Variants in LRP1B observed in about 807,000 individuals in gnomAD.
LRP1B encodes the protein LDL receptor related protein 1B, also known as low-density lipoprotein receptor-related protein 1B.
LRP1B carries 217 observed loss-of-function variants against 556.6 expected under a neutral mutation model. That is an observed-to-expected ratio of 0.39 (90% CI 0.35 to 0.44). The LOEUF (loss-of-function observed/expected upper bound fraction) is 0.44. Ranked by LOEUF, LRP1B falls within the 20% of genes least tolerant of loss-of-function variation. The pLI is 1.00. For missense variants in LRP1B, 5,053 were observed against 5,620.8 expected (o/e 0.90, Z 3.23); for synonymous variants, 2,047 against 1,865.8 (o/e 1.10, Z -2.50).
chr2:140,294,637 A>G (rs1683527779), intron 84 of LRP1B, among the ~76,000 whole-genome samples: 1 of 152,152 alleles, frequency 6.6e-6, no homozygotes, highest in South Asian at 2.1e-4. Flanking sequence ...GTTTTACTAG[A>G]ATAAAGGAGA....
chr2:140,418,066 C>T (rs1015198830), intron 66 of LRP1B, among the ~76,000 whole-genome samples: 16 of 152,156 alleles, frequency 1.1e-4, no homozygotes, highest in African/African-American at 3.4e-4. Flanking sequence ...GCAAAACTTG[C>T]CTAGTTGTGT....
intron 32 of LRP1B, among the ~76,000 whole-genome samples, chr2:140,796,334 TTTGAGA>T (rs1559124403): frequency 1.3e-5 from 2 of 152,224 alleles, no homozygotes; most frequent in East Asian, 3.9e-4. Flanking sequence ...TATGATATAC[TTTGAGA>T]TTGTTGTATT....
intron 2 of LRP1B, among the ~76,000 whole-genome samples, chr2:141,696,626 T>C (rs1379605490): frequency 6.6e-6 from 1 of 151,970 alleles, no homozygotes; most frequent in African/African-American, 2.4e-5. Flanking sequence ...AACATTCTAT[T>C]TTGAAATTTT....
At chr2:142,018,214 T>C (rs188447639) in intron 1 of LRP1B, among the ~76,000 whole-genome samples, 17 of 152,318 alleles carry the variant, frequency 1.1e-4, no homozygotes, top group African/African-American at 2.6e-4. Context: ...AATAACATTA[T>C]TGTCATCATT....
chr2:140,546,000 T>TTTTGTGTGTGTGTGTGTG (rs374489389), intron 43 of LRP1B, among the ~76,000 whole-genome samples: 1 of 142,602 alleles, frequency 7.0e-6, no homozygotes, highest in East Asian at 2.2e-4. Context: ...TATTATTAGG[T>TTTTGTGTGTGTGTGTGTG]TGTGTGTGTG....
intron 35 of LRP1B, among the ~76,000 whole-genome samples, chr2:140,748,131 ATAT>A (rs1559093665): frequency 0.029 from 1,815 of 62,788 alleles, 42 homozygotes; most frequent in South Asian, 0.048. Flanking sequence ...ATATATATAT[ATAT>A]ATAATTCATA....
At chr2:142,027,224 T>TA (rs1469260955) in intron 1 of LRP1B, among the ~76,000 whole-genome samples, 2 of 151,316 alleles carry the variant, frequency 1.3e-5, no homozygotes, top group South Asian at 2.1e-4. Flanking sequence ...ATCCCCAAAT[T>TA]AAAAAAACAA....
intron 1 of LRP1B, among the ~76,000 whole-genome samples, chr2:142,112,260 T>C (rs865816083): frequency 1.3e-5 from 2 of 151,944 alleles, no homozygotes; most frequent in African/African-American, 4.8e-5. Context: ...AATGAGAAAG[T>C]CAGAGCAAAT....
chr2:141,170,171 G>GCCA (rs1218527703), intron 7 of LRP1B, among the ~76,000 whole-genome samples: 42 of 152,106 alleles, frequency 2.8e-4, no homozygotes, highest in Admixed American at 2.8e-3. Flanking sequence ...GGGCAACCAA[G>GCCA]CCACCAGTCC....
At chr2:141,295,315 T>G (rs1327001790) in intron 3 of LRP1B, among the ~76,000 whole-genome samples, 1 of 152,204 alleles carries the variant, frequency 6.6e-6, no homozygotes, top group Non-Finnish European at 1.5e-5. Context: ...AGTTTTGGGT[T>G]TACAAAAGAG....
intron 2 of LRP1B, among the ~76,000 whole-genome samples, chr2:141,642,082 C>A (rs2105365896): frequency 6.6e-6 from 1 of 152,148 alleles, no homozygotes; most frequent in South Asian, 2.1e-4. Flanking sequence ...TGTTATATGA[C>A]CGTAGATTTA....
At chr2:141,521,537 TTAAA>T (rs1042023085) in intron 2 of LRP1B, among the ~76,000 whole-genome samples, 34 of 151,914 alleles carry the variant, frequency 2.2e-4, no homozygotes, top group Middle Eastern at 3.4e-3. Flanking sequence ...TTTCTAATGA[TTAAA>T]TAGAGTATTG....
At chr2:140,245,184 T>A (rs937805431) in intron 87 of LRP1B, among the ~76,000 whole-genome samples, 6 of 151,500 alleles carry the variant, frequency 4.0e-5, no homozygotes, top group African/African-American at 9.6e-5. Context: ...AGCTTCAGAA[T>A]CATTGGAAAG....
At chr2:140,503,473 G>C (rs1198428862) in intron 53 of LRP1B, among the ~76,000 whole-genome samples, 2 of 152,056 alleles carry the variant, frequency 1.3e-5, no homozygotes, top group African/African-American at 4.8e-5. Context: ...AGAACATATG[G>C]ATAAACTGAT....
chr2:142,080,730 G>C (rs79497408), intron 1 of LRP1B, among the ~76,000 whole-genome samples: 1 of 152,114 alleles, frequency 6.6e-6, no homozygotes, highest in East Asian at 1.9e-4. Context: ...TATATTTTTG[G>C]TGGGAGATTG....
chr2:140,695,689 A>G (rs867660844), intron 41 of LRP1B, among the ~76,000 whole-genome samples: 1 of 152,228 alleles, frequency 6.6e-6, no homozygotes, highest in Admixed American at 6.5e-5. Context: ...CTAAAAGTGT[A>G]GACTTTTAAC....
chr2:140,775,895 G>C (rs1249403619), intron 33 of LRP1B, among the ~76,000 whole-genome samples: 2 of 152,058 alleles, frequency 1.3e-5, no homozygotes, highest in Non-Finnish European at 2.9e-5. Flanking sequence ...AGACTCCTAA[G>C]GCAGGTTTGC....
intron 7 of LRP1B, among the ~76,000 whole-genome samples, chr2:141,103,077 G>C (rs578088441): frequency 6.6e-6 from 1 of 151,330 alleles, no homozygotes; most frequent in South Asian, 2.1e-4. Flanking sequence ...TCTTACCTTG[G>C]TATTTTATGA....
intron 1 of LRP1B, among the ~76,000 whole-genome samples, chr2:141,947,787 A>T (rs950186681): frequency 2.8e-5 from 4 of 143,890 alleles, no homozygotes; most frequent in Non-Finnish European, 6.0e-5. Flanking sequence ...TAAAACATCG[A>T]GGCAAGAAAA....
Sources: gnomAD v4.1 joint callset for allele counts (sites outside exome capture counted in the v4.1 genomes callset) on GRCh38, gnomAD v4.1.1 for gene constraint, MANE v1.5 for transcripts, NCBI Gene and HGNC (gene_info 2026-07-23, HGNC 2026-07-21) for gene names.